FSTL4: variants seen among roughly 807,000 people sequenced by gnomAD.
The protein encoded by FSTL4 is follistatin-related protein 4.
In FSTL4, 28 loss-of-function variants were observed where a neutral mutation model predicts 78.2. The observed-to-expected ratio is 0.36, with a 90% CI of 0.27 to 0.49. The LOEUF is 0.49. FSTL4 is among the 20% of genes least tolerant of loss of function. The pLI is 0.98. For missense variants in FSTL4, 922 were observed against 1,084.9 expected (o/e 0.85, Z 2.11); for synonymous variants, 422 against 440.5 (o/e 0.96, Z 0.53).
chr5:133,426,283 C>T lies in FSTL4; in HGVS notation c.161-25297G>A, dbSNP rs995136222. On this transcript the variant is annotated intron_variant, in intron 3 of 15. Coordinates refer to ENST00000265342, the MANE Select transcript of FSTL4 (RefSeq NM_015082.2). The surrounding 1 kb of genome is among the most constrained non-coding windows in gnomAD (Gnocchi z 5.0). ...GAGGACACAGGGAGCAAAGGATAGCCGGGAGTCTGGGGAGGTGAGAGGGGG... is the reference window on the plus strand; with the variant it reads ...GAGGACACAGGGAGCAAAGGATAGCTGGGAGTCTGGGGAGGTGAGAGGGGG... Among the ~76,000 whole-genome samples the T allele has an allele frequency of 3.9e-5, 6 of 152,264 alleles. No individual in the cohort carries two copies. Among genetic ancestry groups the T allele is most frequent in the Admixed American group, 6.5e-5 (1 of 15,302 alleles).
At chr5:133,354,352 T>G (rs1447285732) in intron 4 of FSTL4, among the ~76,000 whole-genome samples, 1 of 152,244 alleles carries the variant, frequency 6.6e-6, no homozygotes, top group Non-Finnish European at 1.5e-5. Flanking sequence ...TGTGATCAGC[T>G]GGTTCTAAAA....
chr5:133,407,165 G>A (rs1189529475), intron 3 of FSTL4, among the ~76,000 whole-genome samples: 1 of 152,216 alleles, frequency 6.6e-6, no homozygotes, highest in African/African-American at 2.4e-5. Context: ...TCTAAAGGCT[G>A]GAGGTTTGCA....
At chr5:133,473,376 G>A (rs1757863725) in intron 3 of FSTL4, among the ~76,000 whole-genome samples, 1 of 152,160 alleles carries the variant, frequency 6.6e-6, no homozygotes, top group South Asian at 2.1e-4. Flanking sequence ...GGACAAAGTG[G>A]CTCCTAGCTG....
chr5:133,635,231 A>G, the FSTL4 span, among the ~76,000 whole-genome samples: 1 of 152,202 alleles, frequency 6.6e-6, no homozygotes, highest in Non-Finnish European at 1.5e-5. Context: ...CATATGCATG[A>G]TGTACTCTGA....
At chr5:133,697,447 A>G in the FSTL4 span, among the ~76,000 whole-genome samples, 1 of 152,012 alleles carries the variant, frequency 6.6e-6, no homozygotes, top group Non-Finnish European at 1.5e-5. Context: ...ACAAATATAC[A>G]CATTCATCCT....
chr5:133,628,291 C>CA, the FSTL4 span, among the ~76,000 whole-genome samples: 2 of 151,432 alleles, frequency 1.3e-5, no homozygotes, highest in East Asian at 1.9e-4. Flanking sequence ...GACAGAGACA[C>CA]AAAAAACCCT....
intron 3 of FSTL4, among the ~76,000 whole-genome samples, chr5:133,507,059 T>C (rs1429893725): frequency 6.6e-6 from 1 of 151,988 alleles, no homozygotes; most frequent in African/African-American, 2.4e-5. Flanking sequence ...ACTACAAAAA[T>C]TCGCTGGGCA....
chr5:133,757,117 G>T, the FSTL4 span, among the ~76,000 whole-genome samples: 1 of 152,098 alleles, frequency 6.6e-6, no homozygotes, highest in Non-Finnish European at 1.5e-5. Context: ...CTGCACAAAT[G>T]GTCTAACCTG....
In FSTL4 at chr5:133,545,415, CCT is replaced by C. The variant is rs573106987; in HGVS notation, c.160+21769_160+21770del. Among the ~76,000 whole-genome samples, 15 of 152,222 alleles carry C rather than the reference CCT, an allele frequency of 9.9e-5. 1 individual carries two copies. The South Asian group carries it at 3.1e-3, about 32-fold the overall frequency. On this transcript the variant is annotated intron_variant, in intron 3 of 15. Coordinates refer to ENST00000265342, the MANE Select transcript of FSTL4 (RefSeq NM_015082.2). ...GTGTTATTATAAAGCAAGGCTTCTC[CCT>C]GAGTTTTCCCCTTTTCACACCCACC...
the FSTL4 span, among the ~76,000 whole-genome samples, chr5:133,727,328 T>C: frequency 6.6e-6 from 1 of 151,942 alleles, no homozygotes; most frequent in African/African-American, 2.4e-5. Flanking sequence ...ACCAGAACAC[T>C]AGTTTAAACT....
At chr5:133,355,561 C>T (rs1561684091) in intron 4 of FSTL4, among the ~76,000 whole-genome samples, 1 of 152,118 alleles carries the variant, frequency 6.6e-6, no homozygotes, top group Non-Finnish European at 1.5e-5. Flanking sequence ...GAGGCTGAGG[C>T]AGGAGAATTG....
chr5:133,748,208 A>AG, the FSTL4 span, among the ~76,000 whole-genome samples: 5 of 92,254 alleles, frequency 5.4e-5, no homozygotes, highest in East Asian at 3.6e-4. Flanking sequence ...AAGAAGAAGA[A>AG]AAAAAAAAAG....
chr5:133,396,074 C>A (rs148805830), intron 4 of FSTL4, among the ~76,000 whole-genome samples: 26 of 152,254 alleles, frequency 1.7e-4, no homozygotes, highest in Middle Eastern at 3.4e-3. Context: ...TATGGAGGGC[C>A]AATGTTCTTC....
intron 4 of FSTL4, among the ~76,000 whole-genome samples, chr5:133,385,807 C>T (rs1755684887): frequency 6.6e-6 from 1 of 152,204 alleles, no homozygotes; most frequent in African/African-American, 2.4e-5. Context: ...ATTTCTTTGT[C>T]GAGTCAAGAG....
intron 4 of FSTL4, among the ~76,000 whole-genome samples, chr5:133,354,119 T>G (rs1207188177): frequency 2.6e-5 from 4 of 152,018 alleles, no homozygotes; most frequent in Admixed American, 1.3e-4. Flanking sequence ...TTTGTGCATC[T>G]GTAAACTGAC....
At chr5:133,427,830 G>C (rs1756857171) in intron 3 of FSTL4, 1 of 387,282 alleles carries the variant, frequency 2.6e-6, no homozygotes, top group African/African-American at 2.0e-5. Flanking sequence ...TGGCCATGTG[G>C]CTCCAGAGAA....
chr5:133,534,187 T>A (rs1290456971), intron 3 of FSTL4, among the ~76,000 whole-genome samples: 4 of 152,018 alleles, frequency 2.6e-5, no homozygotes, highest in African/African-American at 9.7e-5. Flanking sequence ...ATAAGTAAAT[T>A]GAGTCTCCTA....
chr5:133,497,998 A>C (rs1177766574), intron 3 of FSTL4, among the ~76,000 whole-genome samples: 5 of 152,072 alleles, frequency 3.3e-5, no homozygotes, highest in Non-Finnish European at 7.4e-5. Flanking sequence ...GTCTGTCTCC[A>C]TGCATGGCAC....
At chr5:133,775,151 A>G in the FSTL4 span, among the ~76,000 whole-genome samples, 4 of 152,190 alleles carry the variant, frequency 2.6e-5, no homozygotes, top group Admixed American at 2.6e-4. Flanking sequence ...GTTTCTATAG[A>G]AGGTCCTGGC....
Sources: gnomAD v4.1 joint callset for allele counts (sites outside exome capture counted in the v4.1 genomes callset) on GRCh38, gnomAD v4.1.1 for gene constraint, Gnocchi (gnomAD v3.1) non-coding constraint, MANE v1.5 for transcripts, NCBI Gene and HGNC (gene_info 2026-07-23, HGNC 2026-07-21) for gene names.